THOC2: variants seen among roughly 807,000 people sequenced by gnomAD.
THOC2 encodes THO complex subunit 2.
Under a neutral mutation model 128.4 loss-of-function variants are expected in THOC2, and 10 were observed. The observed-to-expected ratio is 0.08, with a 90% CI of 0.05 to 0.13. The LOEUF is 0.13. Ranked by LOEUF, THOC2 falls within the 10% of genes least tolerant of loss-of-function variation. The pLI, the probability that THOC2 is intolerant of heterozygous loss-of-function variation, is 1.00. For missense variants in THOC2, 535 were observed against 1,155.7 expected (o/e 0.46, Z 7.79); for synonymous variants, 393 against 396.9 (o/e 0.99, Z 0.12).
Position 123,637,365 on chromosome X carries a change from CAA to C in THOC2, c.1921+676_1921+677del, listed in dbSNP as rs760619307. On this transcript the variant is annotated intron_variant, in intron 18 of 38. Transcript: ENST00000245838. The stretch of plus-strand genomic sequence containing the variant: ...GTTAGTTTTTTTGGTTAAACTAAGT[CAA>C]GTTTTTGTTCTTTTAAGATGACTGG... Among the ~76,000 whole-genome samples, 366 of 111,444 alleles carry C rather than the reference CAA, an allele frequency of 3.3e-3. 3 individuals are homozygous for C. Among genetic ancestry groups the C allele is most frequent in the South Asian group, 0.018 (49 of 2,656 alleles).
chrX:123,631,767 T>A lies in THOC2; in HGVS notation c.2402A>T (p.Asp801Val). The A allele has an allele frequency of 8.3e-7, 1 of 1,209,124 alleles. No homozygotes were observed. The change falls in exon 22 of 39, where the codon GAT becomes GTT. Residue 801 changes from aspartate (D) to valine (V), a missense_variant. Transcript: ENST00000245838. Reference protein sequence around the residue: ...EDYIKRVPSIDVLCNEFHTPH... With the variant: ...EDYIKRVPSIVVLCNEFHTPH... Reference sequence around the variant, plus strand: ...TGTATGAAATTCATTACAGAGTACATCAATTGAAGGCACTCGCTTTATATA... The same window carrying A: ...TGTATGAAATTCATTACAGAGTACAACAATTGAAGGCACTCGCTTTATATA...
chrX:123,631,568 G>T, intron 22 of THOC2, 120 bp downstream of exon 22: 1 of 734,098 alleles, frequency 1.4e-6, no homozygotes, highest in South Asian at 2.6e-5. Flanking sequence ...AACAAAGAAG[G>T]GATCCTAGTT....
At chrX:123,718,850 A>G (rs2051548412) in intron 1 of THOC2, among the ~76,000 whole-genome samples, 2 of 110,908 alleles carry the variant, frequency 1.8e-5, no homozygotes, top group Non-Finnish European at 3.8e-5. Context: ...CAAGCCAAAC[A>G]TCAAATATGG....
At chrX:123,603,161 A>G (rs1220846167) in intron 38 of THOC2, 1 of 115,135 alleles carries the variant, frequency 8.7e-6, no homozygotes, top group Non-Finnish European at 1.8e-5. Context: ...TGGGTTCTCA[A>G]TCATAAAGGT....
At position 123,624,264 on chromosome X, in the gene THOC2, A is replaced by T. The variant is rs933577806; in HGVS notation, c.3187-73T>A. 2.0e-5 allele frequency: 19 copies of T among 965,504 alleles called. No homozygotes were observed. In the African/African-American group the frequency reaches 3.5e-4, roughly 18 times the overall value. 79.6% of individuals were successfully genotyped at this position (965,504 alleles called of 1,213,427 possible). A position where few individuals can be genotyped will look rare whatever the true frequency, so the allele number is the denominator to read the frequency against. On this transcript the variant is annotated intron_variant, in intron 26 of 38. Coordinates refer to ENST00000245838, the MANE Select transcript of THOC2 (RefSeq NM_001081550.2). ...AAATAGCAGAAATTGAAACTTAAGT[A>T]GACTAGATCAATGTTTCCGTGTAAA...
chrX:123,701,239 C>G (rs1381703512), intron 4 of THOC2, among the ~76,000 whole-genome samples: 1 of 111,808 alleles, frequency 8.9e-6, no homozygotes, highest in Middle Eastern at 4.3e-3. Context: ...GCCTGTAATC[C>G]CAGCTACTCA....
At position 123,671,781 on chromosome X, in the gene THOC2, A is replaced by G. The variant is rs764873765; in HGVS notation, c.769-20T>C. 1.9e-6 allele frequency: 2 copies of G among 1,062,332 alleles called. No individual in the cohort carries two copies. The highest frequency in any genetic ancestry group is 2.2e-5 in the South Asian group (1 of 44,848). The allele number at this position is 1,062,332 out of a possible 1,213,427, so 87.5% of individuals were successfully genotyped here. A position where few individuals can be genotyped will look rare whatever the true frequency, so the allele number is the denominator to read the frequency against. On this transcript the variant is annotated intron_variant, in intron 8 of 38. Coordinates refer to ENST00000245838, the MANE Select transcript of THOC2 (RefSeq NM_001081550.2). ...TGGTTCCTAGAAATATAAAAAAAAA[A>G]GTTTCCATTTAGTGCAGAAAGGACA...
At chrX:123,666,566 C>G (rs1172962289) in intron 11 of THOC2, among the ~76,000 whole-genome samples, 1 of 111,606 alleles carries the variant, frequency 9.0e-6, no homozygotes, top group East Asian at 2.8e-4. Context: ...CAGCTGCTAT[C>G]AATACTGCTC....
Position 123,723,145 on chromosome X carries a change from G to A in THOC2, c.71+9807C>T, listed in dbSNP as rs774166448. On this transcript the variant is annotated intron_variant, in intron 1 of 38. Transcript: ENST00000245838. Reference sequence around the variant, plus strand: ...AGTGAGCCAAGATCACGCCACCACCGCACTCCAAACTAGGCGACAGAGCAA... The same window carrying A: ...AGTGAGCCAAGATCACGCCACCACCACACTCCAAACTAGGCGACAGAGCAA... Among the ~76,000 whole-genome samples, 8 of 110,514 alleles carry A rather than the reference G, an allele frequency of 7.2e-5. 1 individual carries two copies. The highest frequency in any genetic ancestry group is 5.8e-4 in the Admixed American group (6 of 10,385).
intron 18 of THOC2, 70 bp downstream of exon 18, chrX:123,637,973 G>T: frequency 1.3e-6 from 1 of 754,364 alleles, no homozygotes; most frequent in Non-Finnish European, 2.0e-6. Context: ...CTAAGCATCG[G>T]TAATAAAATG....
intron 26 of THOC2, among the ~76,000 whole-genome samples, 155 bp downstream of exon 26, chrX:123,624,386 T>C (rs1001716813): frequency 4.4e-5 from 5 of 112,614 alleles, no homozygotes; most frequent in Non-Finnish European, 7.5e-5. Flanking sequence ...AAAAAGTACA[T>C]AGCACATTTT....
At position 123,638,983 on chromosome X, in the gene THOC2, T is replaced by C. The variant is rs767925375; in HGVS notation, c.1791A>G (p.Val597=). Residue 597 remains valine, a synonymous_variant, in exon 17 of 39, where the codon GTA becomes GTG. Transcript: ENST00000245838. The stretch of plus-strand genomic sequence containing the variant: ...AAGTGAGGTATTTCAATGAATCTAC[T>C]ACAGGTGTTATTAAGTTATCATACT... ...IQKYDNLITP[V]VDSLKYLTSL... 2 of 1,186,741 alleles carry C rather than the reference T, an allele frequency of 1.7e-6. No homozygotes were observed. Among genetic ancestry groups the C allele is most frequent in the Non-Finnish European group, 2.3e-6 (2 of 877,933 alleles).
At chrX:123,609,813 G>A (rs991880574) in intron 38 of THOC2, among the ~76,000 whole-genome samples, 2 of 110,648 alleles carry the variant, frequency 1.8e-5, no homozygotes, top group African/African-American at 6.6e-5. Context: ...GGTGGATCAC[G>A]AGGTCAAGAG....
At chrX:123,732,858 C>T (rs2052337470) in intron 1 of THOC2, 94 bp downstream of exon 1, 1 of 944,986 alleles carries the variant, frequency 1.1e-6, no homozygotes, top group East Asian at 3.1e-5. Context: ...GGAGGGGGTA[C>T]ATCTTTCCCC....
chrX:123,690,527 C>A (rs2050178071), intron 7 of THOC2, among the ~76,000 whole-genome samples: 1 of 108,651 alleles, frequency 9.2e-6, no homozygotes, highest in Admixed American at 9.6e-5. Context: ...GAAAAAATAA[C>A]CAGTTATGTT....
chrX:123,692,136 G>A (rs2050245889), intron 7 of THOC2, among the ~76,000 whole-genome samples: 1 of 111,809 alleles, frequency 8.9e-6, no homozygotes. Context: ...AAAGTGTACA[G>A]CATGATGCTC....
intron 1 of THOC2, among the ~76,000 whole-genome samples, chrX:123,724,861 T>C (rs1449654551): frequency 9.0e-6 from 1 of 111,182 alleles, no homozygotes; most frequent in Non-Finnish European, 1.9e-5. Flanking sequence ...TAATATCACC[T>C]GAGCTCAGGA....
rs758750055 is a variant in THOC2, at chrX:123,648,536, C to T, written c.1387-3161G>A. On this transcript the variant is annotated intron_variant, in intron 12 of 38. Coordinates refer to ENST00000245838, the MANE Select transcript of THOC2 (RefSeq NM_001081550.2). Reference sequence around the variant, plus strand: ...TCTAGCTCAGCAGATCCCACCCCCACGGAGCCCGGCAAGCTAAGATGCACC... The same window carrying T: ...TCTAGCTCAGCAGATCCCACCCCCATGGAGCCCGGCAAGCTAAGATGCACC... 9.9e-4 allele frequency among the ~76,000 whole-genome samples: 111 copies of T among 112,217 alleles called. 2 individuals are homozygous for T. The highest frequency in any genetic ancestry group is 3.4e-3 in the African/African-American group (104 of 30,956).
intron 8 of THOC2, among the ~76,000 whole-genome samples, chrX:123,674,639 A>G (rs1198066868): frequency 1.8e-5 from 2 of 110,930 alleles, no homozygotes; most frequent in East Asian, 5.6e-4. Context: ...CATTTCCTCT[A>G]TCACTGCCTT....
Sources: allele counts gnomAD v4.1 joint callset (sites outside exome capture counted in the v4.1 genomes callset), GRCh38; gene constraint gnomAD v4.1.1; transcripts MANE v1.5; gene names NCBI Gene and HGNC (gene_info 2026-07-23, HGNC 2026-07-21).